Variants in ASPRV1 observed in about 807,000 individuals in gnomAD.
ASPRV1 encodes the protein retroviral-like aspartic protease 1.
Under a neutral mutation model 11.0 loss-of-function variants are expected in ASPRV1, and 7 were observed. That is an observed-to-expected ratio of 0.64 (90% CI 0.36 to 1.20). The LOEUF (loss-of-function observed/expected upper bound fraction) is 1.20. Ranked by LOEUF, ASPRV1 falls within the 50% of genes most tolerant of loss-of-function variation. ASPRV1 has a pLI of 0.02. For missense variants in ASPRV1, 299 were observed against 320.0 expected, an observed-to-expected ratio of 0.93 and a Z score of 0.50; for synonymous variants, 136 against 138.4, an observed-to-expected ratio of 0.98 and a Z score of 0.12.
the ASPRV1 span, among the ~76,000 whole-genome samples, chr2:70,085,051 A>C: frequency 1.3e-5 from 2 of 152,210 alleles, no homozygotes; most frequent in Admixed American, 6.5e-5. Context: ...ATTGAACTGA[A>C]GAGTCCACAG....
the ASPRV1 span, among the ~76,000 whole-genome samples, chr2:69,953,441 C>A: frequency 9.2e-5 from 14 of 152,252 alleles, no homozygotes; most frequent in Non-Finnish European, 1.8e-4. Context: ...TGTGCCCGTG[C>A]ATGGCACAGA....
chr2:70,008,488 A>C, the ASPRV1 span, among the ~76,000 whole-genome samples: 1 of 109,900 alleles, frequency 9.1e-6, no homozygotes, highest in East Asian at 3.2e-4. Context: ...GCAGCCAGGA[A>C]CCTTGGATCA....
the ASPRV1 span, among the ~76,000 whole-genome samples, chr2:70,009,481 C>A: frequency 2.5e-4 from 38 of 152,238 alleles, 1 homozygote; most frequent in Admixed American, 2.2e-3. Flanking sequence ...AGGCATGCAC[C>A]ACCATGCCCA....
upstream of ASPRV1, chr2:69,964,486 A>G (rs1361901658): frequency 3.1e-6 from 1 of 326,664 alleles, no homozygotes; most frequent in Non-Finnish European, 6.1e-6. Flanking sequence ...CTTGGGAGGT[A>G]CCCATCCCTA....
chr2:69,970,872 G>A, the ASPRV1 span: 2 of 152,208 alleles, frequency 1.3e-5, no homozygotes, highest in Non-Finnish European at 2.9e-5. Context: ...AGCATTCAAA[G>A]TTGCCTTTTT....
the ASPRV1 span, among the ~76,000 whole-genome samples, chr2:70,008,068 T>G: frequency 6.6e-6 from 1 of 152,202 alleles, no homozygotes; most frequent in African/African-American, 2.4e-5. Flanking sequence ...ACTCCTGACC[T>G]CAAGTGATCT....
the ASPRV1 span, among the ~76,000 whole-genome samples, chr2:70,034,431 C>A: frequency 6.6e-6 from 1 of 151,792 alleles, no homozygotes; most frequent in Non-Finnish European, 1.5e-5. Flanking sequence ...ATTAGCCAGG[C>A]GTGGTGGCGC....
chr2:69,997,187 TA>T, the ASPRV1 span, among the ~76,000 whole-genome samples: 368 of 136,066 alleles, frequency 2.7e-3, 1 homozygote, highest in South Asian at 0.013. Context: ...CCCAGTCTAT[TA>T]AAAAAAAAAA....
the ASPRV1 span, among the ~76,000 whole-genome samples, chr2:69,973,148 A>G: frequency 6.6e-6 from 1 of 152,210 alleles, no homozygotes; most frequent in African/African-American, 2.4e-5. Flanking sequence ...AGGATGGCTA[A>G]TAATTTACAA....
the ASPRV1 span, among the ~76,000 whole-genome samples, chr2:70,000,920 GA>G: frequency 1.3e-5 from 2 of 150,684 alleles, no homozygotes; most frequent in African/African-American, 4.9e-5. Context: ...AATAAAAAGA[GA>G]AAAGGAAAAG....
the ASPRV1 span, among the ~76,000 whole-genome samples, chr2:69,951,486 T>G: frequency 3.7e-3 from 331 of 90,108 alleles, no homozygotes; most frequent in African/African-American, 0.022. Context: ...TGTGTGTGTA[T>G]ATCTATATGT....
chr2:70,038,599 A>AG, the ASPRV1 span, among the ~76,000 whole-genome samples: 81 of 151,970 alleles, frequency 5.3e-4, no homozygotes, highest in African/African-American at 1.9e-3. Context: ...GGGAAAAAAA[A>AG]GCGTATGAAG....
chr2:70,079,972 C>G, the ASPRV1 span, among the ~76,000 whole-genome samples: 1 of 152,208 alleles, frequency 6.6e-6, no homozygotes, highest in African/African-American at 2.4e-5. Context: ...AAGTAACTGT[C>G]TCTCTGAAAC....
At chr2:70,048,061 A>G in the ASPRV1 span, among the ~76,000 whole-genome samples, 2 of 140,076 alleles carry the variant, frequency 1.4e-5, no homozygotes, top group Non-Finnish European at 3.0e-5. Context: ...GTGAGCCGAG[A>G]TCGCGCCACT....
At chr2:70,053,442 T>TC in the ASPRV1 span, among the ~76,000 whole-genome samples, 2 of 152,156 alleles carry the variant, frequency 1.3e-5, no homozygotes, top group Admixed American at 6.5e-5. Context: ...TCACATACTC[T>TC]CTGTCACCTC....
chr2:69,982,651 A>G, the ASPRV1 span, among the ~76,000 whole-genome samples: 1 of 152,124 alleles, frequency 6.6e-6, no homozygotes, highest in African/African-American at 2.4e-5. Context: ...GGACAGGAGG[A>G]CACTGGGCAC....
At chr2:69,964,478 T>C (rs1678268624), upstream of ASPRV1, 1 of 335,904 alleles carries the variant, frequency 3.0e-6, no homozygotes, top group Admixed American at 4.0e-5. Flanking sequence ...CCTTATGCCT[T>C]GGGAGGTACC....
the ASPRV1 span, among the ~76,000 whole-genome samples, chr2:70,033,883 G>A: frequency 1.3e-5 from 2 of 152,162 alleles, no homozygotes; most frequent in Admixed American, 6.5e-5. Context: ...GGCCGGGCGC[G>A]GTGGCTCACG....
At chr2:70,016,249 T>C in the ASPRV1 span, 1 of 151,994 alleles carries the variant, frequency 6.6e-6, no homozygotes, top group Non-Finnish European at 1.5e-5. Context: ...CTAGAAATAA[T>C]AAAAAGAATT....
Sources: allele counts gnomAD v4.1 joint callset (sites outside exome capture counted in the v4.1 genomes callset), GRCh38; gene constraint gnomAD v4.1.1; transcripts MANE v1.5; gene names NCBI Gene and HGNC (gene_info 2026-07-23, HGNC 2026-07-21).